The following COMMD3 variants were observed in gnomAD, a reference collection of about 807,000 sequenced individuals.
COMMD3 encodes the protein COMM domain-containing protein 3.
A neutral mutation model predicts 31.2 loss-of-function variants in COMMD3; 31 were observed. The ratio of observed to expected loss-of-function variants is 0.99; its 90% CI spans 0.75 to 1.34. COMMD3 has a LOEUF of 1.34. Ranked by LOEUF, COMMD3 falls within the 40% of genes most tolerant of loss-of-function variation. COMMD3 has a pLI of 0.00. For missense variants in COMMD3, 274 were observed against 236.9 expected (o/e 1.16, Z -1.03); for synonymous variants, 108 against 87.3 (o/e 1.24, Z -1.32).
chr10:22,317,908 AC>A lies in COMMD3; in HGVS notation c.167del (p.Pro56GlnfsTer4). On this transcript the variant is annotated frameshift_variant, in exon 2 of 8. Transcript: ENST00000376836. LOFTEE classifies it high-confidence loss of function. Reference sequence around the variant, plus strand: ...GATCATCCAGACTTGAAACATATCGACCCAGTGGTTTTAAAACATTGTCATG... The same window carrying A: ...GATCATCCAGACTTGAAACATATCGACCAGTGGTTTTAAAACATTGTCATG... ...VLDHPDLKHI[D>X]PVVLKHCHAA... 1 of 1,613,960 alleles carries A rather than the reference AC, an allele frequency of 6.2e-7. No individual in the cohort carries two copies. Among genetic ancestry groups the A allele is most frequent in the South Asian group, 1.1e-5 (1 of 91,078 alleles).
At chr10:22,317,429 T>G (rs1334108922) in intron 1 of COMMD3, 1 of 152,844 alleles carries the variant, frequency 6.5e-6, no homozygotes, top group Non-Finnish European at 1.5e-5. Context: ...AATTTGTATC[T>G]TATATTCTGA....
intron 5 of COMMD3, 23 bp from the exon 6 acceptor site, chr10:22,318,783 G>C: frequency 6.2e-7 from 1 of 1,613,862 alleles, no homozygotes; most frequent in Non-Finnish European, 8.5e-7. Flanking sequence ...AAAAGCTGTT[G>C]CGTGTTTGTT....
At chr10:22,316,661 TCTCCGGGCTTTGCCCTTCG>T in intron 1 of COMMD3, 105 bp downstream of exon 1, 1 of 1,364,172 alleles carries the variant, frequency 7.3e-7, no homozygotes, top group Admixed American at 3.1e-5. Flanking sequence ...GAAGAGGAAG[TCTCCGGGCTTTGCCCTTCG>T]CTCCGGACGG....
Position 22,320,118 on chromosome 10 carries a change from A to C in COMMD3, c.*120A>C. On this transcript the variant is annotated 3_prime_UTR_variant, in exon 8 of 8. Transcript: ENST00000376836. Reference sequence around the variant, plus strand: ...TCAGTAGAAAAGAATTTTCCTTTTGAATTTATACCATTCATCAATTTTGAC... The same window carrying C: ...TCAGTAGAAAAGAATTTTCCTTTTGCATTTATACCATTCATCAATTTTGAC... 1 of 1,579,362 alleles carries C rather than the reference A, an allele frequency of 6.3e-7. No homozygotes were observed. Among genetic ancestry groups the C allele is most frequent in the African/African-American group, 1.3e-5 (1 of 74,210 alleles).
At position 22,317,885 on chromosome 10, in the gene COMMD3, T is replaced by A. The variant is rs774889597; in HGVS notation, c.141T>A (p.Asp47Glu). ...TCACTGGAAGTTAATTTATTTTAGA[T>A]CATCCAGACTTGAAACATATCGACC... ...LDAQADEAVL[D>E]HPDLKHIDPV... is the part of the protein sequence containing the mutation. The change falls in exon 2 of 8, where the codon GAT becomes GAA. Residue 47 changes from aspartate to glutamate, a missense_variant and splice_region_variant. By Grantham distance (45) the Asp-to-Glu change is conservative (BLOSUM62 2). Coordinates refer to ENST00000376836, the MANE Select transcript of COMMD3 (RefSeq NM_012071.4). 7 of 1,613,294 alleles carry A rather than the reference T, an allele frequency of 4.3e-6. No individual in the cohort carries two copies. Among genetic ancestry groups the A allele is most frequent in the Non-Finnish European group, 5.9e-6 (7 of 1,179,678 alleles).
intron 1 of COMMD3, 91 bp downstream of exon 1, chr10:22,316,647 C>G (rs1342481377): frequency 7.2e-7 from 1 of 1,379,832 alleles, no homozygotes; most frequent in East Asian, 2.9e-5. Flanking sequence ...GGGGAAAGCC[C>G]CGGGAAGAGG....
chr10:22,319,128 A>G (rs1179784726), intron 7 of COMMD3, 110 bp downstream of exon 7: 40 of 1,252,980 alleles, frequency 3.2e-5, no homozygotes, highest in Non-Finnish European at 4.0e-5. Flanking sequence ...GTCAGCAGAT[A>G]ATGAAGATTG....
intron 4 of COMMD3, 89 bp downstream of exon 4, chr10:22,318,395 C>G: frequency 6.5e-7 from 1 of 1,527,410 alleles, no homozygotes. Context: ...TCTTCGGGAT[C>G]TTGACCCAAA....
At chr10:22,319,772 A>T in intron 7 of COMMD3, 167 bp from the exon 8 acceptor site, 2 of 754,468 alleles carry the variant, frequency 2.7e-6, no homozygotes. Flanking sequence ...ATTTCCGAGG[A>T]AACGCTTTTT....
chr10:22,319,968 G>A lies in COMMD3; in HGVS notation c.558G>A (p.Ser186=), dbSNP rs1810047404. 1.2e-6 allele frequency: 2 copies of A among 1,614,012 alleles called. No homozygotes were observed. Among genetic ancestry groups the A allele is most frequent in the Non-Finnish European group, 1.7e-6 (2 of 1,179,990 alleles). The change falls in exon 8 of 8, where the codon TCG becomes TCA. Residue 186 remains serine, a synonymous_variant. Coordinates refer to ENST00000376836, the MANE Select transcript of COMMD3 (RefSeq NM_012071.4). ...TGGTGGGGAAACTTAAAGATGCTTCGAAAAGCCTGGAAAGAGCAACTCAGT... is the reference window on the plus strand; with the variant it reads ...TGGTGGGGAAACTTAAAGATGCTTCAAAAAGCCTGGAAAGAGCAACTCAGT... ...QDLVGKLKDA[S]KSLERATQL is the part of the protein sequence containing the mutation.
intron 4 of COMMD3, 165 bp from the exon 5 acceptor site, chr10:22,318,488 C>A: frequency 1.9e-6 from 2 of 1,079,234 alleles, no homozygotes; most frequent in Non-Finnish European, 2.7e-6. Flanking sequence ...TTTTGAAATG[C>A]TCCTTTACCA....
intron 4 of COMMD3, 37 bp from the exon 5 acceptor site, chr10:22,318,616 A>G: frequency 6.4e-7 from 1 of 1,564,676 alleles, no homozygotes; most frequent in Non-Finnish European, 8.8e-7. Flanking sequence ...AGTTCTTCTG[A>G]GGAGACTATG....
At chr10:22,317,624 T>A in intron 1 of COMMD3, 1 of 291,172 alleles carries the variant, frequency 3.4e-6, no homozygotes, top group Non-Finnish European at 6.5e-6. Context: ...CTTTGGGGGC[T>A]ATAATATTTT....
In COMMD3 at chr10:22,320,117, G is replaced by T. The variant is rs975243713; in HGVS notation, c.*119G>T. 2.5e-6 allele frequency: 4 copies of T among 1,581,316 alleles called. No homozygotes were observed. Among genetic ancestry groups the T allele is most frequent in the African/African-American group, 1.3e-5 (1 of 74,148 alleles). Reference sequence around the variant, plus strand: ...TTCAGTAGAAAAGAATTTTCCTTTTGAATTTATACCATTCATCAATTTTGA... The same window carrying T: ...TTCAGTAGAAAAGAATTTTCCTTTTTAATTTATACCATTCATCAATTTTGA... On this transcript the variant is annotated 3_prime_UTR_variant, in exon 8 of 8. Coordinates refer to ENST00000376836, the MANE Select transcript of COMMD3 (RefSeq NM_012071.4).
In COMMD3 at chr10:22,320,056, C is replaced by T; in HGVS notation, c.*58C>T. The T allele has an allele frequency of 1.2e-6, 2 of 1,613,870 alleles. No homozygotes were observed. The highest frequency in any genetic ancestry group is 1.7e-6 in the Non-Finnish European group (2 of 1,179,876). On this transcript the variant is annotated 3_prime_UTR_variant, in exon 8 of 8. Transcript: ENST00000376836. ...AGGAAAACCAGAAACGCCTTGCCTT[C>T]AGCTGAACCACCGTTTGTGCGAGCT...
In COMMD3 at chr10:22,316,573, G is replaced by T; in HGVS notation, c.139+17G>T. On this transcript the variant is annotated intron_variant, in intron 1 of 7. Transcript: ENST00000376836. ...CCGTGTTAGGTAAGCCGCTCGGCTCGGCTCGGAGCTGGATCCGCCGGGGTG... is the reference window on the plus strand; with the variant it reads ...CCGTGTTAGGTAAGCCGCTCGGCTCTGCTCGGAGCTGGATCCGCCGGGGTG... 1 of 1,534,006 alleles carries T rather than the reference G, an allele frequency of 6.5e-7. No individual in the cohort carries two copies. Among genetic ancestry groups the T allele is most frequent in the South Asian group, 1.2e-5 (1 of 82,740 alleles).
At chr10:22,319,683 A>G in intron 7 of COMMD3, 1 of 423,976 alleles carries the variant, frequency 2.4e-6, no homozygotes, top group Non-Finnish European at 4.3e-6. Flanking sequence ...GAGAAAATTC[A>G]GATGTATCTG....
chr10:22,317,791 AG>A, intron 1 of COMMD3, 92 bp from the exon 2 acceptor site: 1 of 1,333,160 alleles, frequency 7.5e-7, no homozygotes, highest in Non-Finnish European at 1.0e-6. Context: ...ATCTTGTTAA[AG>A]GGTTTTTAAA....
intron 6 of COMMD3, 25 bp downstream of exon 6, chr10:22,318,887 A>G (rs779530563): frequency 5.0e-6 from 8 of 1,612,102 alleles, no homozygotes; most frequent in Admixed American, 1.7e-5. Flanking sequence ...GTCTTATCCA[A>G]TAATGAAATT....
Sources: allele counts gnomAD v4.1 joint callset, GRCh38; gene constraint gnomAD v4.1.1; transcripts MANE v1.5; gene names NCBI Gene and HGNC (gene_info 2026-07-23, HGNC 2026-07-21).